Variants in ARHGAP8 observed in about 807,000 individuals in gnomAD.
ARHGAP8 encodes the protein Rho GTPase activating protein 8, also known as rho GTPase-activating protein 8.
Under a neutral mutation model 46.1 loss-of-function variants are expected in ARHGAP8, and 62 were observed. That is an observed-to-expected ratio of 1.34 (90% CI 1.10 to 1.66). ARHGAP8 has a LOEUF of 1.66. Ranked by LOEUF, ARHGAP8 falls within the 40% of genes most tolerant of loss-of-function variation. The pLI, the probability that ARHGAP8 is intolerant of heterozygous loss-of-function variation, is 0.00. For synonymous variants in ARHGAP8, 375 were observed against 243.1 expected (o/e 1.54, Z -5.05); for missense variants, 923 against 568.4 (o/e 1.62, Z -6.34).
At chr22:44,858,533 C>CTTTTTTTT (rs10700242) in intron 10 of ARHGAP8, among the ~76,000 whole-genome samples, 10,700 of 88,878 alleles carry the variant, frequency 0.12, 1,297 homozygotes, top group African/African-American at 0.16. Flanking sequence ...CCATACCCGG[C>CTTTTTTTT]TTTTTTTTTT....
chr22:44,802,100 G>T lies in ARHGAP8; in HGVS notation c.103G>T (p.Val35Phe), dbSNP rs1486400574. Residue 35 changes from valine (V) to phenylalanine (F), a missense_variant, in exon 3 of 12, where the codon GTT becomes TTT. By Grantham distance (50) the Val-to-Phe change is conservative (BLOSUM62 -1). Transcript: ENST00000356099. ...VAGDDRFGRR[V>F]VTFSCCRMPP... ...AGGGGATGACCGCTTTGGAAGACGTGTTGTCACGTTCAGCTGCTGCCGGAT... is the reference window on the plus strand; with the variant it reads ...AGGGGATGACCGCTTTGGAAGACGTTTTGTCACGTTCAGCTGCTGCCGGAT... The T allele has an allele frequency of 6.2e-7, 1 of 1,614,146 alleles. No homozygotes were observed. Among genetic ancestry groups the T allele is most frequent in the Admixed American group, 1.7e-5 (1 of 60,020 alleles).
Position 44,862,547 on chromosome 22 carries a change from G to C in ARHGAP8, c.1254G>C (p.Lys418Asn). 1 of 1,603,776 alleles carries C rather than the reference G, an allele frequency of 6.2e-7. No individual in the cohort carries two copies. The highest frequency in any genetic ancestry group is 8.5e-7 in the Non-Finnish European group (1 of 1,171,822). ...VPRTQATGLT[K>N]PTLPPSPLMA... ...GGACACAAGCCACGGGCCTCACCAA[G>C]CCTACCCTACCTCCGAGTCCCCTGA... The change falls in exon 12 of 12, where the codon AAG becomes AAC. Residue 418 changes from lysine (K) to asparagine (N), a missense_variant. Transcript: ENST00000356099.
intron 1 of ARHGAP8, among the ~76,000 whole-genome samples, chr22:44,778,325 A>G (rs1384028392): frequency 1.3e-5 from 2 of 152,122 alleles, no homozygotes; most frequent in African/African-American, 2.4e-5. Context: ...ACAGTCTCCA[A>G]TCTCATCCAA....
intron 1 of ARHGAP8, among the ~76,000 whole-genome samples, chr22:44,779,547 C>T (rs1048473645): frequency 1.3e-3 from 184 of 141,846 alleles, no homozygotes; most frequent in African/African-American, 4.6e-3. Context: ...TTTACATGGG[C>T]GGTTTCCAGT....
chr22:44,859,509 C>T (rs528442294), intron 10 of ARHGAP8, among the ~76,000 whole-genome samples: 2 of 152,326 alleles, frequency 1.3e-5, no homozygotes, highest in African/African-American at 4.8e-5. Flanking sequence ...CCAGTTAAAC[C>T]TCTTTTCTTA....
chr22:44,780,582 A>C (rs1166276685), intron 1 of ARHGAP8, among the ~76,000 whole-genome samples: 1 of 149,808 alleles, frequency 6.7e-6, no homozygotes, highest in East Asian at 1.9e-4. Context: ...GAATCTACTG[A>C]ACCAGGGAGG....
intron 1 of ARHGAP8, among the ~76,000 whole-genome samples, chr22:44,753,157 C>T (rs1210393435): frequency 1.3e-5 from 2 of 151,546 alleles, no homozygotes; most frequent in Non-Finnish European, 2.9e-5. Flanking sequence ...CTGATTCAAA[C>T]TCAGGGGGTG....
At chr22:44,787,037 C>CAAAAAAAAAAAAAAA (rs57241720) in intron 2 of ARHGAP8, among the ~76,000 whole-genome samples, 8 of 119,118 alleles carry the variant, frequency 6.7e-5, no homozygotes, top group Non-Finnish European at 1.2e-4. Context: ...CTCAAAAAAA[C>CAAAAAAAAAAAAAAA]AAAAAAAAAA....
At chr22:44,846,503 G>GT (rs2069960239) in intron 8 of ARHGAP8, among the ~76,000 whole-genome samples, 1 of 152,174 alleles carries the variant, frequency 6.6e-6, no homozygotes, top group Admixed American at 6.5e-5. Flanking sequence ...AGACCCTGCG[G>GT]CCCCAGCATT....
At chr22:44,844,266 G>A (rs566560711) in intron 7 of ARHGAP8, among the ~76,000 whole-genome samples, 34 of 152,062 alleles carry the variant, frequency 2.2e-4, no homozygotes, top group Non-Finnish European at 4.0e-4. Context: ...TACTGTGCCC[G>A]GCCACATCTA....
At chr22:44,805,073 C>G (rs1928838574) in intron 3 of ARHGAP8, among the ~76,000 whole-genome samples, 1 of 152,196 alleles carries the variant, frequency 6.6e-6, no homozygotes, top group African/African-American at 2.4e-5. Context: ...ACCAGGCACA[C>G]AGGGAGAGAT....
intron 5 of ARHGAP8, among the ~76,000 whole-genome samples, chr22:44,821,263 C>G (rs1461845643): frequency 2.0e-5 from 3 of 152,014 alleles, no homozygotes; most frequent in Non-Finnish European, 4.4e-5. Context: ...AACCCCGTCT[C>G]TACTAAAAAT....
At chr22:44,813,748 C>A (rs564840145) in intron 4 of ARHGAP8, among the ~76,000 whole-genome samples, 116 of 151,312 alleles carry the variant, frequency 7.7e-4, no homozygotes, top group African/African-American at 2.6e-3. Flanking sequence ...CACACACCTA[C>A]ATACACACCT....
At position 44,849,012 on chromosome 22, in the gene ARHGAP8, C is replaced by G. The variant is rs751957378; in HGVS notation, c.829C>G (p.Gln277Glu). 6.2e-7 allele frequency: 1 copy of G among 1,614,146 alleles called. No individual in the cohort carries two copies. The highest frequency in any genetic ancestry group is 8.5e-7 in the Non-Finnish European group (1 of 1,180,026). The stretch of plus-strand genomic sequence containing the variant: ...GAAGACCTTCCTGCGAGAGCTGCCC[C>G]AGCCGCTTCTGACCTTCCAGGCCTA... The part of the protein sequence containing the change: ...ILKTFLRELP[Q>E]PLLTFQAYEQ... Residue 277 changes from glutamine (Q) to glutamate (E), a missense_variant, in exon 10 of 12, where the codon CAG becomes GAG. Transcript: ENST00000356099.
Position 44,862,681 on chromosome 22 carries a change from T to C in ARHGAP8, c.*86T>C. 4.2e-6 allele frequency: 6 copies of C among 1,440,732 alleles called. No homozygotes were observed. The highest frequency in any genetic ancestry group is 4.6e-6 in the Non-Finnish European group (5 of 1,088,038). 89.2% of individuals were successfully genotyped at this position (1,440,732 alleles called of 1,614,324 possible). ...TTTGTAAACTTGGCATCTGTAAAAA[T>C]AACCAGCCATTAGATGAATTCAGAA... On this transcript the variant is annotated 3_prime_UTR_variant, in exon 12 of 12. Coordinates refer to ENST00000356099, the MANE Select transcript of ARHGAP8 (RefSeq NM_181335.3).
intron 2 of ARHGAP8, among the ~76,000 whole-genome samples, chr22:44,795,048 A>AAC (rs1332387526): frequency 6.6e-6 from 1 of 151,882 alleles, no homozygotes; most frequent in Non-Finnish European, 1.5e-5. Context: ...CTCAAAAAAA[A>AAC]AAAAAACAAA....
intron 1 of ARHGAP8, among the ~76,000 whole-genome samples, chr22:44,761,221 C>G (rs1439594987): frequency 2.0e-5 from 3 of 152,204 alleles, no homozygotes; most frequent in Non-Finnish European, 4.4e-5. Context: ...CATCAGCCCT[C>G]CGTATTGGTG....
At chr22:44,857,208 G>T (rs1424245222) in intron 10 of ARHGAP8, among the ~76,000 whole-genome samples, 13 of 150,908 alleles carry the variant, frequency 8.6e-5, no homozygotes, top group Non-Finnish European at 2.9e-5. Flanking sequence ...TGAAAGTGCT[G>T]GTATTATAGG....
At chr22:44,767,648 A>G (rs1278050788) in intron 1 of ARHGAP8, among the ~76,000 whole-genome samples, 2 of 150,232 alleles carry the variant, frequency 1.3e-5, no homozygotes, top group East Asian at 2.0e-4. Flanking sequence ...ACCCCCTACC[A>G]CCTCCCTCCT....
Sources: allele counts gnomAD v4.1 joint callset (sites outside exome capture counted in the v4.1 genomes callset), GRCh38; gene constraint gnomAD v4.1.1; transcripts MANE v1.5; gene names NCBI Gene and HGNC (gene_info 2026-07-23, HGNC 2026-07-21).